The following BACE2 variants were observed in gnomAD, a reference collection of about 807,000 sequenced individuals.
BACE2 encodes 56 kDa aspartic-like protease.
In BACE2, 17 loss-of-function variants were observed where a neutral mutation model predicts 46.2. The observed-to-expected ratio is 0.37, with a 90% CI of 0.25 to 0.55. The LOEUF is 0.55. Among genes scored for constraint, BACE2 ranks in the 20% least tolerant of loss-of-function variants. The pLI is 0.82. For missense variants in BACE2, 595 were observed against 698.1 expected, an observed-to-expected ratio of 0.85 and a Z score of 1.66; for synonymous variants, 277 against 295.9, an observed-to-expected ratio of 0.94 and a Z score of 0.66.
intron 1 of BACE2, among the ~76,000 whole-genome samples, chr21:41,208,449 C>A (rs1452025397): frequency 6.6e-6 from 1 of 152,182 alleles, no homozygotes; most frequent in Non-Finnish European, 1.5e-5. Flanking sequence ...CCAAGCCGGG[C>A]TGGGAAGAGA....
chr21:41,168,487 C>T lies in BACE2; in HGVS notation c.224C>T (p.Ala75Val), dbSNP rs1331566091. Residue 75 changes from alanine (A) to valine (V), a missense_variant, in exon 1 of 9, where the codon GCC becomes GTC. By Grantham distance (64) the Ala-to-Val change is moderately conservative. This residue lies in a region of BACE2 where 248 missense variants were observed against 261.4 expected (regional missense o/e 0.95). Transcript: ENST00000330333. ...EPALASPAGA[A>V]NFLAMVDNLQ... ...GCCCTGGCGTCCCCCGCGGGCGCCG[C>T]CAACTTCTTGGCCATGGTAGACAAC... 2 of 1,392,402 alleles carry T rather than the reference C, an allele frequency of 1.4e-6. No homozygotes were observed. Among genetic ancestry groups the T allele is most frequent in the Non-Finnish European group, 1.9e-6 (2 of 1,069,530 alleles). 86.3% of individuals were successfully genotyped at this position (1,392,402 alleles called of 1,614,324 possible).
In BACE2 at chr21:41,248,537, T is replaced by G. The variant is rs1320350697; in HGVS notation, c.985-2215T>G. Among the ~76,000 whole-genome samples, 4 of 152,234 alleles carry G rather than the reference T, an allele frequency of 2.6e-5. No individual in the cohort carries two copies. The East Asian group carries it at 7.7e-4, about 29-fold the overall frequency. On this transcript the variant is annotated intron_variant, in intron 6 of 8. Coordinates refer to ENST00000330333, the MANE Select transcript of BACE2 (RefSeq NM_012105.5). ...AGCAAAATGACCATCCCACCTCTTC[T>G]GAGCATGTCTGAGAAGGGGCTCTCC...
intron 2 of BACE2, among the ~76,000 whole-genome samples, chr21:41,228,993 G>A (rs777082428): frequency 4.6e-5 from 7 of 152,230 alleles, no homozygotes; most frequent in Non-Finnish European, 8.8e-5. Context: ...TGCCCAGAGC[G>A]ACTTTGGAAA....
intron 1 of BACE2, among the ~76,000 whole-genome samples, chr21:41,224,138 A>G (rs1601284544): frequency 6.6e-6 from 1 of 152,088 alleles, no homozygotes; most frequent in South Asian, 2.1e-4. Flanking sequence ...TCCCAGCTAA[A>G]CTGAGGTCCT....
chr21:41,258,786 C>T (rs143265452), intron 8 of BACE2, among the ~76,000 whole-genome samples: 1 of 152,302 alleles, frequency 6.6e-6, no homozygotes, highest in Admixed American at 6.5e-5. Flanking sequence ...CGACGTATTT[C>T]GCTTTGCATT....
chr21:41,209,564 C>A (rs191140038), intron 1 of BACE2, among the ~76,000 whole-genome samples: 223 of 152,304 alleles, frequency 1.5e-3, no homozygotes, highest in Admixed American at 3.0e-3. Context: ...CCGCACTACC[C>A]CTCTTTAAGT....
chr21:41,199,392 C>A (rs1404148851), intron 1 of BACE2, among the ~76,000 whole-genome samples: 1 of 152,132 alleles, frequency 6.6e-6, no homozygotes, highest in South Asian at 2.1e-4. Context: ...GCTCTGCTGG[C>A]AGCTGCTCGG....
At chr21:41,267,575 A>G (rs559779425) in intron 8 of BACE2, among the ~76,000 whole-genome samples, 15 of 152,330 alleles carry the variant, frequency 9.8e-5, no homozygotes, top group Non-Finnish European at 1.5e-4. Flanking sequence ...TGCAGGTTGA[A>G]AGTGGATCAT....
intron 6 of BACE2, among the ~76,000 whole-genome samples, chr21:41,248,206 AC>A (rs1477571042): frequency 1.3e-5 from 2 of 152,170 alleles, no homozygotes; most frequent in Non-Finnish European, 2.9e-5. Flanking sequence ...GGAAATCCAG[AC>A]GCAAAATAAT....
intron 1 of BACE2, among the ~76,000 whole-genome samples, chr21:41,196,568 G>A (rs1985741775): frequency 6.6e-6 from 1 of 152,222 alleles, no homozygotes; most frequent in Admixed American, 6.5e-5. Context: ...TAGCAAGGTA[G>A]AGAAAAGAGG....
chr21:41,257,333 G>C lies in BACE2; in HGVS notation c.1303+7G>C. On this transcript the variant is annotated splice_region_variant and intron_variant, in intron 8 of 8. Coordinates refer to ENST00000330333, the MANE Select transcript of BACE2 (RefSeq NM_012105.5). Reference sequence around the variant, plus strand: ...GCAGCGAGCCCCTGTGCAGGTGAGCGATTCTGGCATCGAACAGGGATCCCC... The same window carrying C: ...GCAGCGAGCCCCTGTGCAGGTGAGCCATTCTGGCATCGAACAGGGATCCCC... 6.2e-7 allele frequency: 1 copy of C among 1,612,398 alleles called. No individual in the cohort carries two copies. The highest frequency in any genetic ancestry group is 8.5e-7 in the Non-Finnish European group (1 of 1,179,284).
chr21:41,200,216 A>C (rs200393203), intron 1 of BACE2, among the ~76,000 whole-genome samples: 1 of 150,926 alleles, frequency 6.6e-6, no homozygotes, highest in African/African-American at 2.5e-5. Flanking sequence ...AAAAAAACCC[A>C]AAACCTCTTC....
intron 1 of BACE2, among the ~76,000 whole-genome samples, chr21:41,174,597 C>A (rs1486340349): frequency 1.3e-5 from 2 of 152,136 alleles, no homozygotes. Context: ...GCAGGTCAAG[C>A]ATTGGCCCCT....
intron 1 of BACE2, among the ~76,000 whole-genome samples, chr21:41,219,986 A>G (rs959569509): frequency 6.6e-6 from 1 of 152,184 alleles, no homozygotes; most frequent in African/African-American, 2.4e-5. Flanking sequence ...GACTGCCCCC[A>G]GCTTCCATGC....
chr21:41,251,498 T>C (rs1987638218), intron 7 of BACE2, among the ~76,000 whole-genome samples: 2 of 152,150 alleles, frequency 1.3e-5, no homozygotes, highest in Admixed American at 1.3e-4. Context: ...TTTTCCTGTT[T>C]ACGTATAAAG....
chr21:41,231,907 ACT>A lies in BACE2; in HGVS notation c.401+5556_401+5557del, dbSNP rs1176164396. 2.0e-5 allele frequency among the ~76,000 whole-genome samples: 3 copies of A among 151,700 alleles called. No homozygotes were observed. The South Asian group carries it at 6.3e-4, about 32-fold the overall frequency. ...ATGTTTTTCATTTAAAGTGCTGGAA[ACT>A]CTACGCTAATAATAACCCCTAGAGT... On this transcript the variant is annotated intron_variant, in intron 2 of 8. Coordinates refer to ENST00000330333, the MANE Select transcript of BACE2 (RefSeq NM_012105.5).
intron 6 of BACE2, among the ~76,000 whole-genome samples, chr21:41,249,781 A>G (rs1987587579): frequency 1.3e-5 from 2 of 152,108 alleles, no homozygotes; most frequent in Admixed American, 1.3e-4. Flanking sequence ...CATCAGATAC[A>G]GTCCTTCCTC....
intron 1 of BACE2, among the ~76,000 whole-genome samples, chr21:41,168,785 A>T (rs576724566): frequency 6.6e-6 from 1 of 152,070 alleles, no homozygotes; most frequent in East Asian, 2.0e-4. Context: ...CCCGGGGCGC[A>T]CTGAGGGGTG....
chr21:41,184,760 C>T (rs1985308522), intron 1 of BACE2: 1 of 167,054 alleles, frequency 6.0e-6, no homozygotes, highest in Non-Finnish European at 1.5e-5. Flanking sequence ...GGCTTATGAA[C>T]TTTCTATGGG....
Sources: gnomAD v4.1 joint callset for allele counts (sites outside exome capture counted in the v4.1 genomes callset) on GRCh38, gnomAD v4.1.1 for gene constraint, gnomAD v4.1.1 regional missense constraint, MANE v1.5 for transcripts, NCBI Gene and HGNC (gene_info 2026-07-23, HGNC 2026-07-21) for gene names.